The following ATCAY variants were observed in gnomAD, a reference collection of about 807,000 sequenced individuals.
ATCAY encodes caytaxin.
ATCAY carries 22 observed loss-of-function variants against 47.7 expected under a neutral mutation model. The observed-to-expected ratio is 0.46, with a 90% CI of 0.33 to 0.66. The LOEUF (loss-of-function observed/expected upper bound fraction) is 0.66. ATCAY is among the 30% of genes least tolerant of loss of function. The probability of loss-of-function intolerance (pLI) is 0.02; values close to 1 mark genes in which losing one functional copy is unlikely to be tolerated. For missense variants in ATCAY, 452 were observed against 515.0 expected (o/e 0.88, Z 1.18); for synonymous variants, 216 against 207.6 (o/e 1.04, Z -0.35).
chr19:3,917,602 A>G (rs2038977161), intron 9 of ATCAY, 140 bp from the exon 10 acceptor site: 1 of 923,082 alleles, frequency 1.1e-6, no homozygotes, highest in East Asian at 2.7e-5. Flanking sequence ...AAAAAAAAAA[A>G]AAAAAAAAGG....
At chr19:3,885,931 A>C in intron 2 of ATCAY, 87 bp downstream of exon 2, 2 of 1,361,076 alleles carry the variant, frequency 1.5e-6, no homozygotes, top group Non-Finnish European at 2.0e-6. Context: ...GTCTCTCTCT[A>C]AGTGGGAACC....
intron 10 of ATCAY, among the ~76,000 whole-genome samples, 171 bp from the exon 11 acceptor site, chr19:3,918,635 G>C (rs929460119): frequency 1.3e-5 from 2 of 152,126 alleles, no homozygotes; most frequent in Non-Finnish European, 2.9e-5. Flanking sequence ...AAATAAGACA[G>C]AGTCTTGGTC....
intron 2 of ATCAY, among the ~76,000 whole-genome samples, chr19:3,890,768 C>T (rs1295934004): frequency 1.3e-5 from 2 of 152,218 alleles, no homozygotes; most frequent in Non-Finnish European, 2.9e-5. Context: ...GTTTGCAGGA[C>T]AGTGGCCTCG....
chr19:3,883,446 G>A (rs531937255), intron 1 of ATCAY, among the ~76,000 whole-genome samples: 3 of 152,316 alleles, frequency 2.0e-5, no homozygotes, highest in Non-Finnish European at 4.4e-5. Flanking sequence ...TATAATGACT[G>A]CCGGACACAG....
At chr19:3,903,982 CAAA>C (rs59631453) in intron 3 of ATCAY, among the ~76,000 whole-genome samples, 3,699 of 79,008 alleles carry the variant, frequency 0.047, 167 homozygotes, top group African/African-American at 0.13. Flanking sequence ...ACTAAAGATA[CAAA>C]AAAAAAAAAA....
Position 3,908,384 on chromosome 19 carries a change from C to G in ATCAY, c.647+14C>G. ...GAACCTCTTCCTGTGAGTCCCCGCC[C>G]GCGGCGAGCAGCCTCGGGCCAGCTC... is the stretch of plus-strand genomic sequence containing the variant. On this transcript the variant is annotated intron_variant, in intron 6 of 12. Transcript: ENST00000450849. The G allele has an allele frequency of 6.4e-7, 1 of 1,570,082 alleles. No individual in the cohort carries two copies. Among genetic ancestry groups the G allele is most frequent in the Non-Finnish European group, 8.6e-7 (1 of 1,156,610 alleles).
At chr19:3,923,829 T>G (rs1599150886) in intron 12 of ATCAY, among the ~76,000 whole-genome samples, 2 of 137,510 alleles carry the variant, frequency 1.5e-5, no homozygotes, top group African/African-American at 2.8e-5. Context: ...AATGGATGGG[T>G]GGGTGGGTGG....
rs1568451503 is a variant in ATCAY, at chr19:3,913,765, T to C, written c.874T>C (p.Phe292Leu). 6.2e-7 allele frequency: 1 copy of C among 1,613,662 alleles called. No individual in the cohort carries two copies. The highest frequency in any genetic ancestry group is 2.2e-5 in the East Asian group (1 of 44,854). The change falls in exon 9 of 13, where the codon TTC becomes CTC. Residue 292 changes from phenylalanine (F) to leucine (L), a missense_variant. Phe to Leu is a conservative substitution (Grantham distance 22). Transcript: ENST00000450849. The part of the protein sequence containing the change: ...AISRPFISVK[F>L]INKIQYVHSL... Reference sequence around the variant, plus strand: ...TCCTTCTCCCCCCGCCAGCGTCAAGTTCATCAACAAGATCCAGTACGTGCA... The same window carrying C: ...TCCTTCTCCCCCCGCCAGCGTCAAGCTCATCAACAAGATCCAGTACGTGCA...
At chr19:3,898,695 GT>G (rs901734009) in intron 2 of ATCAY, among the ~76,000 whole-genome samples, 7 of 151,802 alleles carry the variant, frequency 4.6e-5, no homozygotes, top group African/African-American at 9.7e-5. Flanking sequence ...TTGTTTGTTT[GT>G]TTTTGAGACA....
At chr19:3,899,928 G>A (rs1239132261) in intron 2 of ATCAY, among the ~76,000 whole-genome samples, 1 of 152,102 alleles carries the variant, frequency 6.6e-6, no homozygotes, top group Non-Finnish European at 1.5e-5. Flanking sequence ...CAGCATTTCT[G>A]TCTCAAAAAG....
At chr19:3,885,588 GAGGAGAA>G (rs1348338245) in intron 1 of ATCAY, 132 bp from the exon 2 acceptor site, 2 of 565,066 alleles carry the variant, frequency 3.5e-6, no homozygotes, top group Non-Finnish European at 6.3e-6. Flanking sequence ...GGAGAGAGGA[GAGGAGAA>G]AGGAGAGAGG....
intron 2 of ATCAY, among the ~76,000 whole-genome samples, chr19:3,899,861 G>A (rs1452352214): frequency 2.0e-5 from 3 of 152,156 alleles, no homozygotes; most frequent in African/African-American, 7.2e-5. Context: ...CGGGCAGCAC[G>A]GGCTGCGGCT....
Position 3,905,554 on chromosome 19 carries a change from A to G in ATCAY, c.257A>G (p.Asp86Gly), listed in dbSNP as rs767240700. ...TCCCTGCTGTCCGATGACTTCTTGG[A>G]TACCCCTGATGACCTGGATATTAAC... is the stretch of plus-strand genomic sequence containing the variant. ...EGSLLSDDFL[D>G]TPDDLDINVD... The change falls in exon 4 of 13, where the codon GAT (aspartate) becomes GGT (glycine). Residue 86 changes from aspartate to glycine, a missense_variant. Transcript: ENST00000450849. The G allele has an allele frequency of 6.2e-7, 1 of 1,613,788 alleles. No homozygotes were observed. The highest frequency in any genetic ancestry group is 1.1e-5 in the South Asian group (1 of 91,070).
In ATCAY at chr19:3,908,257, C is replaced by A; in HGVS notation, c.545-11C>A. ...GGACTCTGACGTTGCCGATCGGCTGCCTCTCCTCAGGGTACTACGGCGAAG... is the reference window on the plus strand; with the variant it reads ...GGACTCTGACGTTGCCGATCGGCTGACTCTCCTCAGGGTACTACGGCGAAG... On this transcript the variant is annotated splice_polypyrimidine_tract_variant and intron_variant, in intron 5 of 12. Coordinates refer to ENST00000450849, the MANE Select transcript of ATCAY (RefSeq NM_033064.5). 1 of 1,565,612 alleles carries A rather than the reference C, an allele frequency of 6.4e-7. No homozygotes were observed. Among genetic ancestry groups the A allele is most frequent in the Non-Finnish European group, 8.7e-7 (1 of 1,154,720 alleles).
At chr19:3,919,753 C>A (rs1334109019) in intron 11 of ATCAY, among the ~76,000 whole-genome samples, 21 of 140,472 alleles carry the variant, frequency 1.5e-4, no homozygotes, top group African/African-American at 2.1e-4. Context: ...GACCCTGTCT[C>A]AAAAAAAAAA....
In ATCAY at chr19:3,905,483, G is replaced by A. The variant is rs778595221; in HGVS notation, c.186G>A (p.Thr62=). ...ACGGAGCGCATCGTAAGAGGAAGAC[G>A]CTGGTGGCCCCAGAGATCAACATTT... is the stretch of plus-strand genomic sequence containing the variant. ...NFNGAHRKRK[T]LVAPEINISL... The change falls in exon 4 of 13, where the codon ACG becomes ACA. Residue 62 remains threonine (T), a synonymous_variant. Coordinates refer to ENST00000450849, the MANE Select transcript of ATCAY (RefSeq NM_033064.5). The A allele has an allele frequency of 1.8e-5, 29 of 1,613,758 alleles. No homozygotes were observed. The highest frequency in any genetic ancestry group is 1.8e-4 in the East Asian group (8 of 44,898).
Position 3,914,286 on chromosome 19 carries a change from C to T in ATCAY, c.965+430C>T, listed in dbSNP as rs907014668. Among the ~76,000 whole-genome samples, 24 of 146,488 alleles carry T rather than the reference C, an allele frequency of 1.6e-4. 1 individual carries two copies. The highest frequency in any genetic ancestry group is 4.3e-4 in the South Asian group (2 of 4,644). On this transcript the variant is annotated intron_variant, in intron 9 of 12. Transcript: ENST00000450849. ...ACTCACAATTCCATGTGGCTGGCAA[C>T]GCCTCCCAATCACGGTGGAAGGCAA...
At chr19:3,901,042 C>T (rs1055314772) in intron 2 of ATCAY, among the ~76,000 whole-genome samples, 12 of 151,964 alleles carry the variant, frequency 7.9e-5, no homozygotes, top group Admixed American at 5.9e-4. Context: ...GCTGGGACTA[C>T]AGGCACCTGC....
Position 3,895,121 on chromosome 19 carries a change from C to T in ATCAY, c.78-7366C>T, listed in dbSNP as rs752102268. 8.8e-6 allele frequency: 4 copies of T among 456,114 alleles called. No individual in the cohort carries two copies. In the East Asian group the frequency reaches 2.8e-4, roughly 32 times the overall value. 28.3% of individuals were successfully genotyped at this position (456,114 alleles called of 1,614,324 possible). On this transcript the variant is annotated intron_variant, in intron 2 of 12. Transcript: ENST00000450849. ...TATTGTCTTCCTTTATATACATGGT[C>T]TCAAGCCAGGAATTGCTTTGCACAA...
Sources: gnomAD v4.1 joint callset for allele counts (sites outside exome capture counted in the v4.1 genomes callset) on GRCh38, gnomAD v4.1.1 for gene constraint, MANE v1.5 for transcripts, NCBI Gene and HGNC (gene_info 2026-07-23, HGNC 2026-07-21) for gene names.